Variants in NFATC2 observed in about 807,000 individuals in gnomAD.
NFATC2 encodes the protein nuclear factor of activated T-cells, cytoplasmic 2.
A neutral mutation model predicts 87.3 loss-of-function variants in NFATC2; 22 were observed. The ratio of observed to expected loss-of-function variants is 0.25; its 90% CI spans 0.18 to 0.36. NFATC2 has a LOEUF of 0.36. NFATC2 is among the 10% of genes least tolerant of loss of function. The probability of loss-of-function intolerance (pLI) is 1.00; values close to 1 mark genes in which losing one functional copy is unlikely to be tolerated. For missense variants in NFATC2, 1,149 were observed against 1,259.1 expected (o/e 0.91, Z 1.32); for synonymous variants, 565 against 542.2 (o/e 1.04, Z -0.58).
chr20:51,485,875 C>A (rs1989672582), intron 3 of NFATC2, among the ~76,000 whole-genome samples: 1 of 152,032 alleles, frequency 6.6e-6, no homozygotes, highest in Admixed American at 6.6e-5. Flanking sequence ...CAATTAAGGG[C>A]CTCTTTTCTG....
intron 9 of NFATC2, among the ~76,000 whole-genome samples, chr20:51,407,565 G>A (rs565585161): frequency 6.6e-6 from 1 of 152,310 alleles, no homozygotes; most frequent in South Asian, 2.1e-4. Context: ...AAGGAAACTG[G>A]GAATCACGCT....
At chr20:51,530,913 T>C (rs1337134979) in intron 1 of NFATC2, among the ~76,000 whole-genome samples, 1 of 152,200 alleles carries the variant, frequency 6.6e-6, no homozygotes, top group Non-Finnish European at 1.5e-5. Context: ...GTCTACCCTC[T>C]AGACTCTGAG....
chr20:51,438,533 A>G (rs563238407), intron 6 of NFATC2, among the ~76,000 whole-genome samples: 2 of 152,306 alleles, frequency 1.3e-5, no homozygotes, highest in Non-Finnish European at 2.9e-5. Flanking sequence ...GGAAGTATTA[A>G]GTAGGATCCA....
intron 10 of NFATC2, among the ~76,000 whole-genome samples, chr20:51,397,658 A>C (rs1012250393): frequency 2.0e-5 from 3 of 152,114 alleles, no homozygotes; most frequent in Non-Finnish European, 4.4e-5. Flanking sequence ...AGTCCTGAGG[A>C]GGGACAGTGG....
intron 9 of NFATC2, among the ~76,000 whole-genome samples, chr20:51,410,840 T>C (rs1286259329): frequency 1.3e-5 from 2 of 152,212 alleles, no homozygotes; most frequent in Non-Finnish European, 2.9e-5. Flanking sequence ...CTTTTCTTCA[T>C]GGCATGTGTC....
At position 51,403,248 on chromosome 20, in the gene NFATC2, T is replaced by G. The variant is rs141530222; in HGVS notation, c.2723-4518A>C. On this transcript the variant is annotated intron_variant, in intron 9 of 10. Transcript: ENST00000371564. ...TCACAGGCAAGAGAAGCCACTAGGC[T>G]TCCTGCAAAGAAATTTCTCAAGATC... Among the ~76,000 whole-genome samples the G allele has an allele frequency of 4.9e-3, 743 of 152,370 alleles. 2 individuals are homozygous for G. Among genetic ancestry groups the G allele is most frequent in the Middle Eastern group, 0.024 (7 of 294 alleles).
Position 51,432,151 on chromosome 20 carries a change from G to C in NFATC2, c.2638C>G (p.Pro880Ala). The change falls in exon 9 of 11, where the codon CCG (proline) becomes GCG (alanine). Residue 880 changes from proline (P) to alanine (A), a missense_variant. Coordinates refer to ENST00000371564, the MANE Select transcript of NFATC2 (RefSeq NM_012340.5). This position sits in a 1 kb window ranked among gnomAD's most constrained non-coding sequence, Gnocchi z 4.6. ...TSQRAAKNGP[P>A]VSDQKEVLPA... ...AATACTTCCTTTTGGTCACTGACCG[G>C]GGGTCCGTTTTTGGCGGCTCTTTGG... 6.2e-7 allele frequency: 1 copy of C among 1,600,460 alleles called. No individual in the cohort carries two copies. Among genetic ancestry groups the C allele is most frequent in the Non-Finnish European group, 8.5e-7 (1 of 1,170,850 alleles).
intron 3 of NFATC2, among the ~76,000 whole-genome samples, chr20:51,508,574 C>G (rs2146660316): frequency 6.6e-6 from 1 of 152,210 alleles, no homozygotes; most frequent in South Asian, 2.1e-4. Context: ...CCCCACATCA[C>G]ACACCCCGCT....
intron 10 of NFATC2, 112 bp downstream of exon 10, chr20:51,398,524 TGAGAAGA>T (rs1987569059): frequency 1.6e-6 from 1 of 628,416 alleles, no homozygotes; most frequent in African/African-American, 1.9e-5. Flanking sequence ...AGCAGGAGAA[TGAGAAGA>T]GAGGGCCTTC....
intron 3 of NFATC2, among the ~76,000 whole-genome samples, chr20:51,509,973 C>T (rs986851979): frequency 6.6e-6 from 1 of 152,196 alleles, no homozygotes; most frequent in African/African-American, 2.4e-5. Context: ...ATCGGGTTTC[C>T]GCATCTGCAA....
intron 1 of NFATC2, among the ~76,000 whole-genome samples, chr20:51,557,777 AT>A (rs1298866364): frequency 6.6e-6 from 1 of 152,190 alleles, no homozygotes; most frequent in Non-Finnish European, 1.5e-5. Context: ...TCATCCATCC[AT>A]TTAACCAAAA....
rs150885556 is a variant in NFATC2 at position 51,449,431 on chromosome 20, C to T, written c.1849+5117G>A. On this transcript the variant is annotated intron_variant, in intron 6 of 10. Coordinates refer to ENST00000371564, the MANE Select transcript of NFATC2 (RefSeq NM_012340.5). The stretch of plus-strand genomic sequence containing the variant: ...CCTAACACCCCCGATTGTCTCTTGT[C>T]GTTAATCCAGGAACTACATTCACCT... 3.9e-3 allele frequency among the ~76,000 whole-genome samples: 596 copies of T among 152,218 alleles called. 2 individuals are homozygous for T. The highest frequency in any genetic ancestry group is 0.013 in the African/African-American group (556 of 41,536).
At chr20:51,507,769 C>G (rs1263581144) in intron 3 of NFATC2, among the ~76,000 whole-genome samples, 1 of 152,248 alleles carries the variant, frequency 6.6e-6, no homozygotes, top group African/African-American at 2.4e-5. Context: ...ACGTCCTATG[C>G]CCCAATCAAG....
chr20:51,465,500 C>A (rs151063819), intron 5 of NFATC2, among the ~76,000 whole-genome samples: 1 of 152,264 alleles, frequency 6.6e-6, no homozygotes, highest in African/African-American at 2.4e-5. Flanking sequence ...ACCTCCGACC[C>A]CTCACCCCAC....
At chr20:51,503,348 C>T (rs1345310777) in intron 3 of NFATC2, among the ~76,000 whole-genome samples, 1 of 152,232 alleles carries the variant, frequency 6.6e-6, no homozygotes, top group Admixed American at 6.5e-5. Context: ...TCCTAAAAGA[C>T]AAGTAACATT....
chr20:51,444,708 A>G (rs1323374708), intron 6 of NFATC2, among the ~76,000 whole-genome samples: 6 of 152,176 alleles, frequency 3.9e-5, no homozygotes, highest in Non-Finnish European at 7.3e-5. Context: ...GTGCTTTTAA[A>G]AATTAGCCAA....
At chr20:51,546,703 C>T (rs188987806), upstream of NFATC2, among the ~76,000 whole-genome samples, 794 of 152,240 alleles carry the variant, frequency 5.2e-3, 6 homozygotes, top group African/African-American at 0.018. Context: ...TGCACTTAAC[C>T]CACAGTCTAA....
chr20:51,493,074 G>A (rs745660319), intron 3 of NFATC2, among the ~76,000 whole-genome samples: 1 of 152,206 alleles, frequency 6.6e-6, no homozygotes, highest in African/African-American at 2.4e-5. Context: ...TTGCCATCAG[G>A]AAACCAGGAG....
chr20:51,520,372 C>G (rs1289861785), intron 2 of NFATC2, among the ~76,000 whole-genome samples: 1 of 151,816 alleles, frequency 6.6e-6, no homozygotes, highest in Non-Finnish European at 1.5e-5. Flanking sequence ...TGGGGCTTGT[C>G]ACTTCACCTC....
Sources: gnomAD v4.1 joint callset for allele counts (sites outside exome capture counted in the v4.1 genomes callset) on GRCh38, gnomAD v4.1.1 for gene constraint, Gnocchi (gnomAD v3.1) non-coding constraint, MANE v1.5 for transcripts, NCBI Gene and HGNC (gene_info 2026-07-23, HGNC 2026-07-21) for gene names.